The following ABCA12 variants were observed in gnomAD, a reference collection of about 807,000 sequenced individuals.
ABCA12 encodes ATP binding cassette subfamily A member 12.
Under a neutral mutation model 293.5 loss-of-function variants are expected in ABCA12, and 156 were observed. That is an observed-to-expected ratio of 0.53 (90% CI 0.47 to 0.61). ABCA12 has a LOEUF of 0.61. ABCA12 is among the 20% of genes least tolerant of loss of function. The pLI, the probability that ABCA12 is intolerant of heterozygous loss-of-function variation, is 0.00. For missense variants in ABCA12, 2,797 were observed against 3,090.2 expected (o/e 0.91, Z 2.25); for synonymous variants, 1,063 against 1,108.0 (o/e 0.96, Z 0.81).
At chr2:214,957,822 T>C (rs541626859) in intron 41 of ABCA12, among the ~76,000 whole-genome samples, 1 of 152,348 alleles carries the variant, frequency 6.6e-6, no homozygotes, top group Admixed American at 6.5e-5. Flanking sequence ...GGGCTACTAC[T>C]TCGCATTTTC....
At position 214,936,738 on chromosome 2, in the gene ABCA12, T is replaced by C. The variant is rs552624701; in HGVS notation, c.7542+772A>G. Among the ~76,000 whole-genome samples, 22 of 152,300 alleles carry C rather than the reference T, an allele frequency of 1.4e-4. No individual in the cohort carries two copies. The South Asian group carries it at 3.5e-3, about 24-fold the overall frequency. ...TTTCTACTCAGTCCTGCTCCAACTT[T>C]TGTGGGCTTCTCTTTCAAATGAGGG... On this transcript the variant is annotated intron_variant, in intron 51 of 52. Transcript: ENST00000272895.
intron 2 of ABCA12, among the ~76,000 whole-genome samples, chr2:215,075,255 C>G (rs1701813036): frequency 6.6e-6 from 1 of 152,160 alleles, no homozygotes; most frequent in Non-Finnish European, 1.5e-5. Flanking sequence ...GGGCCACCAT[C>G]ATCATGATAC....
intron 1 of ABCA12, among the ~76,000 whole-genome samples, chr2:215,114,173 C>T (rs1043058415): frequency 1.3e-5 from 2 of 152,126 alleles, no homozygotes; most frequent in Non-Finnish European, 2.9e-5. Context: ...CGGGGTCTCA[C>T]CATGTAGGCC....
chr2:214,970,192 TTTGTATCTA>T, intron 37 of ABCA12, 72 bp downstream of exon 37: 1 of 1,363,520 alleles, frequency 7.3e-7, no homozygotes, highest in Non-Finnish European at 1.0e-6. Context: ...ACAATAGAAA[TTTGTATCTA>T]TTGTCTCTTT....
intron 23 of ABCA12, among the ~76,000 whole-genome samples, chr2:214,992,244 C>T (rs887879466): frequency 2.6e-5 from 4 of 151,524 alleles, no homozygotes; most frequent in African/African-American, 9.7e-5. Flanking sequence ...AGACAGAGAC[C>T]ATCCTGGCTA....
intron 1 of ABCA12, among the ~76,000 whole-genome samples, chr2:215,118,680 G>T (rs1312373095): frequency 6.6e-6 from 1 of 152,028 alleles, no homozygotes; most frequent in Admixed American, 6.6e-5. Flanking sequence ...AGACAGTGGG[G>T]ATACAGCAAT....
At chr2:215,124,047 A>C (rs1178421255) in intron 1 of ABCA12, among the ~76,000 whole-genome samples, 1 of 152,174 alleles carries the variant, frequency 6.6e-6, no homozygotes, top group East Asian at 1.9e-4. Context: ...GAGTTACTTC[A>C]CTTAGAATAA....
intron 8 of ABCA12, chr2:215,032,733 T>G (rs1159086267): frequency 1.3e-5 from 2 of 152,244 alleles, no homozygotes; most frequent in Non-Finnish European, 2.9e-5. Context: ...CTTATTTCCC[T>G]TCTCTTCAGA....
At chr2:215,118,353 G>C (rs1290688631) in intron 1 of ABCA12, among the ~76,000 whole-genome samples, 1 of 152,240 alleles carries the variant, frequency 6.6e-6, no homozygotes, top group Non-Finnish European at 1.5e-5. Context: ...AGCGAGCCGA[G>C]ATCTTGCCAC....
intron 51 of ABCA12, among the ~76,000 whole-genome samples, chr2:214,935,057 G>A (rs1165270748): frequency 6.6e-6 from 1 of 152,118 alleles, no homozygotes; most frequent in African/African-American, 2.4e-5. Context: ...ATCTACCCCT[G>A]TGACGCCAGT....
chr2:214,955,611 C>G (rs938826107), intron 42 of ABCA12, among the ~76,000 whole-genome samples: 2 of 152,164 alleles, frequency 1.3e-5, no homozygotes, highest in African/African-American at 4.8e-5. Context: ...CTGTGGTGAG[C>G]TGTGATCATG....
chr2:215,008,204 A>G (rs893803411), intron 18 of ABCA12, among the ~76,000 whole-genome samples: 6 of 152,238 alleles, frequency 3.9e-5, no homozygotes, highest in African/African-American at 1.4e-4. Context: ...GCAGAAGGAT[A>G]TTCTCACGTA....
chr2:214,991,275 G>T (rs896229945), intron 23 of ABCA12, among the ~76,000 whole-genome samples: 18 of 152,112 alleles, frequency 1.2e-4, no homozygotes, highest in African/African-American at 4.3e-4. Context: ...GATGGTGAGG[G>T]TTTAATTACA....
chr2:215,001,445 G>A (rs994936269), intron 21 of ABCA12, 113 bp downstream of exon 21: 30 of 1,287,456 alleles, frequency 2.3e-5, no homozygotes, highest in Non-Finnish European at 3.3e-5. Flanking sequence ...GGACATCAGA[G>A]GACCTAAGGA....
chr2:215,063,476 T>C (rs10932588), intron 3 of ABCA12, among the ~76,000 whole-genome samples: 152,027 of 152,090 alleles, frequency 1, 75,982 homozygotes, highest in Middle Eastern at 1. Flanking sequence ...AAGTTGTAAA[T>C]GGTCAGGTTG....
intron 19 of ABCA12, 123 bp downstream of exon 19, chr2:215,007,604 A>G: frequency 7.8e-7 from 1 of 1,286,796 alleles, no homozygotes; most frequent in Non-Finnish European, 1.1e-6. Flanking sequence ...TTCTCTCTGG[A>G]AGAGAGGCAA....
chr2:215,101,871 G>C (rs1702363771), intron 2 of ABCA12, among the ~76,000 whole-genome samples: 1 of 152,152 alleles, frequency 6.6e-6, no homozygotes, highest in Non-Finnish European at 1.5e-5. Context: ...GGGCAATCAA[G>C]AGATCATGAA....
rs764426968 is a variant in ABCA12, at chr2:214,978,871, G to T, written c.4910C>A (p.Ala1637Glu). Residue 1637 changes from alanine (A) to glutamate (E), a missense_variant, in exon 32 of 53, where the codon GCA becomes GAA. By Grantham distance (107) the Ala-to-Glu change is moderately radical (BLOSUM62 -1). Around this residue, in one of 3 missense-constraint regions of ABCA12, gnomAD observed 2,130 missense variants for 2,427.0 expected, o/e 0.88. Coordinates refer to ENST00000272895, the MANE Select transcript of ABCA12 (RefSeq NM_173076.3). ...GAGGTCACCCATGCCATTGTCGAGT[G>T]CCCGTAGGAGTGACAGGTAGGCCCC... ...VSGAYLSLLR[A>E]LDNGMGDLNI... The T allele has an allele frequency of 6.2e-7, 1 of 1,613,978 alleles. No homozygotes were observed. The highest frequency in any genetic ancestry group is 1.3e-5 in the African/African-American group (1 of 74,916).
At chr2:215,055,185 G>A (rs1478108227) in intron 3 of ABCA12, among the ~76,000 whole-genome samples, 1 of 152,078 alleles carries the variant, frequency 6.6e-6, no homozygotes, top group Non-Finnish European at 1.5e-5. Context: ...AGGAATTGTG[G>A]TTGATGTCAT....
Sources: gnomAD v4.1 joint callset for allele counts (sites outside exome capture counted in the v4.1 genomes callset) on GRCh38, gnomAD v4.1.1 for gene constraint, gnomAD v4.1.1 regional missense constraint, MANE v1.5 for transcripts, NCBI Gene and HGNC (gene_info 2026-07-23, HGNC 2026-07-21) for gene names.